Variants in TTLL4 observed in about 807,000 individuals in gnomAD.
TTLL4 encodes the protein tubulin tyrosine ligase like 4.
Under a neutral mutation model 122.7 loss-of-function variants are expected in TTLL4, and 85 were observed. The observed-to-expected ratio is 0.69, with a 90% CI of 0.58 to 0.83. The LOEUF (loss-of-function observed/expected upper bound fraction) is 0.83. Among genes scored for constraint, TTLL4 ranks in the 40% least tolerant of loss-of-function variants. TTLL4 has a pLI of 0.00. For missense variants in TTLL4, 1,363 were observed against 1,488.6 expected, an observed-to-expected ratio of 0.92 and a Z score of 1.39; for synonymous variants, 553 against 563.0, an observed-to-expected ratio of 0.98 and a Z score of 0.25.
At chr2:218,733,840 T>C (rs923638379) in intron 2 of TTLL4, among the ~76,000 whole-genome samples, 2 of 152,198 alleles carry the variant, frequency 1.3e-5, no homozygotes, top group African/African-American at 4.8e-5. Context: ...TGTGGTGGGA[T>C]GTAGCAAGGC....
intron 2 of TTLL4, among the ~76,000 whole-genome samples, chr2:218,731,272 G>T (rs1012511613): frequency 6.6e-6 from 1 of 152,032 alleles, no homozygotes; most frequent in South Asian, 2.1e-4. Context: ...TTAGCCAGGC[G>T]TCGTGGCGGG....
intron 15 of TTLL4, 58 bp downstream of exon 15, chr2:218,750,204 T>C: frequency 2.5e-6 from 4 of 1,583,460 alleles, no homozygotes; most frequent in Non-Finnish European, 8.6e-7. Flanking sequence ...TGCTATAGTT[T>C]CTGGGAAGGA....
At chr2:218,743,825 A>G (rs1370147553) in intron 5 of TTLL4, among the ~76,000 whole-genome samples, 2 of 152,074 alleles carry the variant, frequency 1.3e-5, no homozygotes, top group Admixed American at 6.5e-5. Context: ...GACTACAGGC[A>G]TGCGCCACCA....
chr2:218,737,432 G>T, intron 2 of TTLL4, 147 bp from the exon 3 acceptor site: 1 of 447,928 alleles, frequency 2.2e-6, no homozygotes. Flanking sequence ...GAAATCTGGT[G>T]TTCTTCTCCC....
intron 2 of TTLL4, among the ~76,000 whole-genome samples, chr2:218,734,586 C>T (rs988593543): frequency 2.6e-5 from 4 of 152,018 alleles, no homozygotes; most frequent in Non-Finnish European, 4.4e-5. Flanking sequence ...AGAAAGGGCT[C>T]CAGGAACAGC....
At position 218,748,790 on chromosome 2, in the gene TTLL4, C is replaced by T. The variant is rs749496193; in HGVS notation, c.2502-46C>T. The T allele has an allele frequency of 1.3e-5, 20 of 1,553,840 alleles. No individual in the cohort carries two copies. In the South Asian group the frequency reaches 1.9e-4, roughly 15 times the overall value. On this transcript the variant is annotated intron_variant, in intron 12 of 19. Transcript: ENST00000392102. Reference sequence around the variant, plus strand: ...TTCGTTTTTCTTTGTCTTTGTCACTCATTCCTAGAATTTAATTCCTAATAC... The same window carrying T: ...TTCGTTTTTCTTTGTCTTTGTCACTTATTCCTAGAATTTAATTCCTAATAC...
Position 218,753,935 on chromosome 2 carries a change from AC to A in TTLL4, c.3345-194del, listed in dbSNP as rs564310594. Among the ~76,000 whole-genome samples the A allele has an allele frequency of 3.1e-3, 469 of 152,048 alleles. 1 individual carries two copies. The highest frequency in any genetic ancestry group is 0.011 in the African/African-American group (449 of 41,450). On this transcript the variant is annotated intron_variant, in intron 19 of 19. Transcript: ENST00000392102. ...GGGAAATTGTTAGCCCTCTACCCGCACCCCCATTCACTCTTGCACTGCAGGT... is the reference window on the plus strand; with the variant it reads ...GGGAAATTGTTAGCCCTCTACCCGCACCCCATTCACTCTTGCACTGCAGGT...
rs1943115935 is a variant in TTLL4 at position 218,754,680 on chromosome 2, G to T, written c.*291G>T. On this transcript the variant is annotated 3_prime_UTR_variant, in exon 20 of 20. Coordinates refer to ENST00000392102, the MANE Select transcript of TTLL4 (RefSeq NM_014640.5). ...CACGCAGCCTTATAAAGCAGGTTTT[G>T]GTTTCTACCTTAAGTGAGCCATGTG... The T allele has an allele frequency of 6.5e-6, 3 of 462,988 alleles. No individual in the cohort carries two copies. The highest frequency in any genetic ancestry group is 1.2e-5 in the Non-Finnish European group (3 of 257,986). The allele number at this position is 462,988 out of a possible 1,614,324, so 28.7% of individuals were successfully genotyped here.
At chr2:218,749,039 T>A in intron 13 of TTLL4, 105 bp downstream of exon 13, 5 of 1,372,906 alleles carry the variant, frequency 3.6e-6, no homozygotes, top group Non-Finnish European at 5.1e-6. Flanking sequence ...TGTGGTTTGG[T>A]TTTAAGGACA....
chr2:218,740,648 G>A (rs1418466261), intron 5 of TTLL4, 64 bp downstream of exon 5: 2 of 1,570,776 alleles, frequency 1.3e-6, no homozygotes, highest in Non-Finnish European at 1.8e-6. Context: ...ATTATAAAGA[G>A]ATAAACCACT....
intron 2 of TTLL4, among the ~76,000 whole-genome samples, chr2:218,733,487 T>C (rs952057952): frequency 7.2e-5 from 11 of 152,126 alleles, no homozygotes; most frequent in African/African-American, 2.7e-4. Context: ...GAAATCCGCC[T>C]CCATGATCCA....
intron 1 of TTLL4, among the ~76,000 whole-genome samples, chr2:218,719,186 T>G (rs1325537231): frequency 6.6e-6 from 1 of 152,182 alleles, no homozygotes; most frequent in Non-Finnish European, 1.5e-5. Context: ...ATATTGCTAA[T>G]AGGAGGCCAA....
At position 218,724,901 on chromosome 2, in the gene TTLL4, G is replaced by A. The variant is rs138490018; in HGVS notation, c.-177-2368G>A. On this transcript the variant is annotated intron_variant, in intron 1 of 19. Coordinates refer to ENST00000392102, the MANE Select transcript of TTLL4 (RefSeq NM_014640.5). ...AACAGCTTATACTTATTTTATTTTC[G>A]TATTTTATTTTTTATTGAGACAGGG... Among the ~76,000 whole-genome samples, 100 of 151,884 alleles carry A rather than the reference G, an allele frequency of 6.6e-4. No homozygotes were observed. The East Asian group carries it at 0.016, about 24-fold the overall frequency.
intron 1 of TTLL4, among the ~76,000 whole-genome samples, chr2:218,723,880 G>A (rs1942112777): frequency 6.6e-6 from 1 of 152,168 alleles, no homozygotes; most frequent in Non-Finnish European, 1.5e-5. Context: ...GCCAGATAAA[G>A]GACATTGATG....
chr2:218,752,354 CTT>C lies in TTLL4; in HGVS notation c.2977-406_2977-405del, dbSNP rs775556645. Among the ~76,000 whole-genome samples the C allele has an allele frequency of 1.1e-4, 16 of 152,196 alleles. No individual in the cohort carries two copies. The East Asian group carries it at 1.9e-3, about 18-fold the overall frequency. On this transcript the variant is annotated intron_variant, in intron 16 of 19. Coordinates refer to ENST00000392102, the MANE Select transcript of TTLL4 (RefSeq NM_014640.5). ...GGCCCCCTCTTGTCCAAACTATAGACTTTTACCCTTTGGGTTTCTTTCTCTGA... is the reference window on the plus strand; with the variant it reads ...GGCCCCCTCTTGTCCAAACTATAGACTTACCCTTTGGGTTTCTTTCTCTGA...
chr2:218,711,100 AC>A (rs1941688859), intron 1 of TTLL4, 63 bp downstream of exon 1: 1 of 152,066 alleles, frequency 6.6e-6, no homozygotes, highest in South Asian at 2.1e-4. Context: ...CACGCTCCCG[AC>A]CTCCCTCTAC....
Position 218,714,728 on chromosome 2 carries a change from T to TA in TTLL4, c.-178+3700dup, listed in dbSNP as rs35312997. On this transcript the variant is annotated intron_variant, in intron 1 of 19. Coordinates refer to ENST00000392102, the MANE Select transcript of TTLL4 (RefSeq NM_014640.5). ...GAAAAAGCTCTTTGGAATCTTCAGT[T>TA]AAAAAAAAAGGGATATATATATATA... Among the ~76,000 whole-genome samples, 214 of 149,154 alleles carry TA rather than the reference T, an allele frequency of 1.4e-3. 1 individual carries two copies. Among genetic ancestry groups the TA allele is most frequent in the African/African-American group, 4.6e-3 (186 of 40,766 alleles).
intron 8 of TTLL4, 60 bp from the exon 9 acceptor site, chr2:218,746,943 C>A: frequency 1.3e-6 from 2 of 1,549,006 alleles, no homozygotes; most frequent in South Asian, 1.2e-5. Context: ...TGAGTCTTGT[C>A]ATCTTCCTCA....
chr2:218,750,202 T>G (rs1030280670), intron 15 of TTLL4, 56 bp downstream of exon 15: 3 of 1,585,204 alleles, frequency 1.9e-6, no homozygotes, highest in African/African-American at 2.7e-5. Context: ...CCTGCTATAG[T>G]TTCTGGGAAG....
Sources: gnomAD v4.1 joint callset for allele counts (sites outside exome capture counted in the v4.1 genomes callset) on GRCh38, gnomAD v4.1.1 for gene constraint, MANE v1.5 for transcripts, NCBI Gene and HGNC (gene_info 2026-07-23, HGNC 2026-07-21) for gene names.